EPHA5: variants seen among roughly 807,000 people sequenced by gnomAD.
The protein encoded by EPHA5 is ephrin type-A receptor 5.
A neutral mutation model predicts 105.0 loss-of-function variants in EPHA5; 60 were observed. The ratio of observed to expected loss-of-function variants is 0.57; its 90% CI spans 0.46 to 0.71. The LOEUF is 0.71. EPHA5 is among the 30% of genes least tolerant of loss of function. The pLI, the probability that EPHA5 is intolerant of heterozygous loss-of-function variation, is 0.00. For missense variants in EPHA5, 1,218 were observed against 1,274.7 expected (o/e 0.96, Z 0.68); for synonymous variants, 513 against 449.1 (o/e 1.14, Z -1.80).
chr4:65,474,397 G>C lies in EPHA5; in HGVS notation c.1402+15980C>G, dbSNP rs925601863. Among the ~76,000 whole-genome samples the C allele has an allele frequency of 1.4e-4, 22 of 152,066 alleles. 1 individual carries two copies. Among genetic ancestry groups the C allele is most frequent in the Admixed American group, 1.4e-3 (21 of 15,244 alleles). On this transcript the variant is annotated intron_variant, in intron 5 of 16. Transcript: ENST00000613740. ...CCAAAGCAAATAAAATTCACTGTTAGAATAATGTTATATTTATATTTTGTT... is the reference window on the plus strand; with the variant it reads ...CCAAAGCAAATAAAATTCACTGTTACAATAATGTTATATTTATATTTTGTT...
chr4:65,328,521 C>T (rs1370428493), intron 16 of EPHA5, among the ~76,000 whole-genome samples: 1 of 151,202 alleles, frequency 6.6e-6, no homozygotes, highest in African/African-American at 2.4e-5. Context: ...TTAGCCGTAT[C>T]ACTGGTACTT....
chr4:65,361,366 C>A (rs1342122890), intron 11 of EPHA5, among the ~76,000 whole-genome samples: 1 of 151,410 alleles, frequency 6.6e-6, no homozygotes, highest in Non-Finnish European at 1.5e-5. Context: ...GTAGAGTTTT[C>A]CAGAAAGAAA....
At chr4:65,421,407 A>T (rs115070389) in intron 5 of EPHA5, among the ~76,000 whole-genome samples, 21 of 152,272 alleles carry the variant, frequency 1.4e-4, no homozygotes, top group Admixed American at 1.3e-3. Context: ...ATTGAAAAGT[A>T]CTAACATTAC....
At chr4:65,661,050 A>G (rs1749515613) in intron 1 of EPHA5, among the ~76,000 whole-genome samples, 2 of 152,122 alleles carry the variant, frequency 1.3e-5, no homozygotes, top group Non-Finnish European at 2.9e-5. Context: ...TAATTAGAAA[A>G]TGGTTTTATT....
intron 2 of EPHA5, among the ~76,000 whole-genome samples, chr4:65,604,480 A>T (rs1744035754): frequency 6.6e-6 from 1 of 152,202 alleles, no homozygotes; most frequent in African/African-American, 2.4e-5. Context: ...GCTCACATTT[A>T]ATATTTCTAG....
At chr4:65,514,970 C>T (rs1451122299) in intron 3 of EPHA5, among the ~76,000 whole-genome samples, 1 of 152,124 alleles carries the variant, frequency 6.6e-6, no homozygotes, top group Non-Finnish European at 1.5e-5. Context: ...ATAATCAAAT[C>T]AAACGTTGTG....
intron 1 of EPHA5, among the ~76,000 whole-genome samples, chr4:65,643,804 A>G (rs2149515756): frequency 6.6e-6 from 1 of 152,152 alleles, no homozygotes; most frequent in Admixed American, 6.5e-5. Flanking sequence ...AGCTGCAGCC[A>G]TAAAATTGGA....
At chr4:65,507,799 G>T (rs1208519902) in intron 3 of EPHA5, among the ~76,000 whole-genome samples, 1 of 151,992 alleles carries the variant, frequency 6.6e-6, no homozygotes, top group East Asian at 1.9e-4. Context: ...ATACAATCGG[G>T]AATGTTTTTA....
chr4:65,573,589 G>A (rs200495682), intron 3 of EPHA5: 7 of 1,598,668 alleles, frequency 4.4e-6, no homozygotes, highest in African/African-American at 1.3e-5. Flanking sequence ...AAGCCCCGTT[G>A]CAGCCGCAAC....
At chr4:65,523,536 C>CAT (rs1734957305) in intron 3 of EPHA5, among the ~76,000 whole-genome samples, 1 of 151,976 alleles carries the variant, frequency 6.6e-6, no homozygotes, top group Non-Finnish European at 1.5e-5. Flanking sequence ...TGCTTTGCCA[C>CAT]TTGATGAAAA....
chr4:65,324,255 C>A (rs1376575508), intron 16 of EPHA5, 36 bp from the exon 17 acceptor site: 7 of 1,415,472 alleles, frequency 4.9e-6, no homozygotes, highest in Non-Finnish European at 7.0e-6. Flanking sequence ...TGTATTGATT[C>A]AATTTGTAGC....
chr4:65,643,285 A>G (rs964414400), intron 2 of EPHA5, 78 bp downstream of exon 2: 42 of 1,142,604 alleles, frequency 3.7e-5, no homozygotes, highest in Admixed American at 5.2e-5. Context: ...CATCCAGTAC[A>G]TATTCATTCC....
intron 2 of EPHA5, 139 bp from the exon 3 acceptor site, chr4:65,602,443 C>A: frequency 1.6e-6 from 1 of 614,400 alleles, no homozygotes; most frequent in South Asian, 3.5e-5. Flanking sequence ...ACAGAAGGAA[C>A]TAGATATAAA....
chr4:65,575,982 AAGAGAGAG>A (rs370914193), intron 3 of EPHA5, among the ~76,000 whole-genome samples: 588 of 39,676 alleles, frequency 0.015, 46 homozygotes, highest in African/African-American at 0.051. Context: ...TCAAAAAAGA[AAGAGAGAG>A]AGAGAGAGAG....
chr4:65,331,879 G>A (rs1353898508), intron 16 of EPHA5, 94 bp downstream of exon 16: 4 of 1,489,814 alleles, frequency 2.7e-6, no homozygotes, highest in Non-Finnish European at 3.6e-6. Flanking sequence ...CATCCGCAAA[G>A]GTTAACTGAT....
chr4:65,404,846 GA>G (rs1165457323), intron 7 of EPHA5, among the ~76,000 whole-genome samples: 1 of 152,014 alleles, frequency 6.6e-6, no homozygotes, highest in Non-Finnish European at 1.5e-5. Context: ...AGGTATATAA[GA>G]TTTGACATTT....
intron 2 of EPHA5, among the ~76,000 whole-genome samples, chr4:65,622,738 AC>A (rs1027449631): frequency 4.0e-4 from 61 of 152,202 alleles, no homozygotes; most frequent in African/African-American, 1.4e-3. Flanking sequence ...TTGATGAGGA[AC>A]ATAACTCCTG....
At chr4:65,434,990 A>G (rs1437784759) in intron 5 of EPHA5, among the ~76,000 whole-genome samples, 1 of 152,188 alleles carries the variant, frequency 6.6e-6, no homozygotes, top group Non-Finnish European at 1.5e-5. Flanking sequence ...CACCACAGAA[A>G]TATAGGTCCT....
chr4:65,370,769 A>C (rs1718383170), intron 8 of EPHA5, among the ~76,000 whole-genome samples: 1 of 152,122 alleles, frequency 6.6e-6, no homozygotes, highest in Non-Finnish European at 1.5e-5. Context: ...GAAAGGAGTT[A>C]TTTTTGACTA....
Sources: gnomAD v4.1 joint callset for allele counts (sites outside exome capture counted in the v4.1 genomes callset) on GRCh38, gnomAD v4.1.1 for gene constraint, MANE v1.5 for transcripts, NCBI Gene and HGNC (gene_info 2026-07-23, HGNC 2026-07-21) for gene names.